Variants in DRC3 observed in about 807,000 individuals in gnomAD.
DRC3 encodes the protein leucine rich repeat containing 48.
A neutral mutation model predicts 57.6 loss-of-function variants in DRC3; 45 were observed. That is an observed-to-expected ratio of 0.78 (90% CI 0.62 to 1.00). The LOEUF (loss-of-function observed/expected upper bound fraction) is 1.00. Among genes scored for constraint, DRC3 ranks in the 50% least tolerant of loss-of-function variants. The pLI, the probability that DRC3 is intolerant of heterozygous loss-of-function variation, is 0.00. For missense variants in DRC3, 655 were observed against 675.2 expected (o/e 0.97, Z 0.33); for synonymous variants, 257 against 272.3 (o/e 0.94, Z 0.55).
Position 17,995,069 on chromosome 17 carries a change from A to T in DRC3, c.782A>T (p.Asn261Ile). ...ATGTACGCTGAGGACTCAGAGGGCA[A>T]CAATCTGTCCTACCTGCCTGGTGTC... ...DSMYAEDSEG[N>I]NLSYLPGVGE... The change falls in exon 8 of 14, where the codon AAC becomes ATC. Residue 261 changes from asparagine (N) to isoleucine (I), a missense_variant. Asn to Ile is a moderately radical substitution (Grantham distance 149). Transcript: ENST00000399187. 2 of 1,613,932 alleles carry T rather than the reference A, an allele frequency of 1.2e-6. No homozygotes were observed. The highest frequency in any genetic ancestry group is 1.7e-6 in the Non-Finnish European group (2 of 1,179,844).
chr17:17,973,308 G>A (rs1239486055), intron 1 of DRC3, among the ~76,000 whole-genome samples: 1 of 152,150 alleles, frequency 6.6e-6, no homozygotes, highest in Non-Finnish European at 1.5e-5. Flanking sequence ...ACTTTTCCCA[G>A]AATTTAGCCA....
chr17:17,994,643 C>T (rs1215871151), intron 7 of DRC3, among the ~76,000 whole-genome samples: 2 of 152,218 alleles, frequency 1.3e-5, no homozygotes, highest in African/African-American at 4.8e-5. Flanking sequence ...GGCATTCCTG[C>T]CTCCAGCTGC....
intron 4 of DRC3, among the ~76,000 whole-genome samples, chr17:17,987,614 G>A (rs2043022291): frequency 6.6e-6 from 1 of 152,184 alleles, no homozygotes; most frequent in East Asian, 1.9e-4. Context: ...CGACCCCCAA[G>A]GGCACTGCTT....
chr17:18,003,637 CT>C (rs758041562), intron 9 of DRC3, among the ~76,000 whole-genome samples: 410 of 103,908 alleles, frequency 3.9e-3, no homozygotes, highest in Middle Eastern at 6.8e-3. Flanking sequence ...TTTTAAGTAT[CT>C]TTTTTTTTTT....
chr17:17,995,112 A>C lies in DRC3; in HGVS notation c.824+1A>C. 6.2e-7 allele frequency: 1 copy of C among 1,609,684 alleles called. No individual in the cohort carries two copies. Among genetic ancestry groups the C allele is most frequent in the East Asian group, 2.2e-5 (1 of 44,832 alleles). ...CTGGTGTCGGTGAGCTCCTTGAGAC[A>C]TATCCTTCTGAGTTCATGGCTGTCT... On this transcript the variant is annotated splice_donor_variant, in intron 8 of 13. Coordinates refer to ENST00000399187, the MANE Select transcript of DRC3 (RefSeq NM_031294.4). LOFTEE classifies it high-confidence loss of function.
intron 12 of DRC3, among the ~76,000 whole-genome samples, chr17:18,012,239 G>A (rs528241774): frequency 1.1e-4 from 16 of 152,200 alleles, no homozygotes; most frequent in Admixed American, 5.9e-4. Flanking sequence ...TGACAAAAGC[G>A]CCAAGAACAC....
chr17:17,982,820 C>T lies in DRC3; in HGVS notation c.161-1008C>T, dbSNP rs530641971. On this transcript the variant is annotated intron_variant, in intron 3 of 13. Transcript: ENST00000399187. ...CGATCTCTTGAACTTGTGATCCGCC[C>T]GCCTCGGCCTCCCAAAGTGCTGTGA... Among the ~76,000 whole-genome samples the T allele has an allele frequency of 3.7e-3, 543 of 146,072 alleles. 2 individuals carry two copies. The highest frequency in any genetic ancestry group is 0.012 in the Middle Eastern group (3 of 244).
intron 12 of DRC3, chr17:18,007,507 A>T: frequency 6.5e-7 from 1 of 1,549,322 alleles, no homozygotes; most frequent in Non-Finnish European, 8.7e-7. Context: ...TCTTAACCTT[A>T]GAGTCTGTAT....
At chr17:18,000,384 A>G (rs141443388) in intron 9 of DRC3, among the ~76,000 whole-genome samples, 2,382 of 150,180 alleles carry the variant, frequency 0.016, 32 homozygotes, top group Non-Finnish European at 0.023. Context: ...GTGTGTGTGC[A>G]TAGCATGCCT....
chr17:17,982,916 C>A (rs571940444), intron 3 of DRC3, among the ~76,000 whole-genome samples: 18 of 152,304 alleles, frequency 1.2e-4, no homozygotes, highest in African/African-American at 4.1e-4. Flanking sequence ...GAAATCATTA[C>A]AAAAGCAAAT....
rs986998897 is a variant in DRC3 at position 18,009,594 on chromosome 17, G to A, written c.1326+2447G>A. On this transcript the variant is annotated intron_variant, in intron 12 of 13. Transcript: ENST00000399187. ...TGAGGCACAGAGATGAAGGTAACCTGCCCAAGGACACACAGCTTATAACAG... is the reference window on the plus strand; with the variant it reads ...TGAGGCACAGAGATGAAGGTAACCTACCCAAGGACACACAGCTTATAACAG... Among the ~76,000 whole-genome samples, 47 of 152,122 alleles carry A rather than the reference G, an allele frequency of 3.1e-4. 1 individual carries two copies. Among genetic ancestry groups the A allele is most frequent in the Non-Finnish European group, 7.4e-5 (5 of 68,024 alleles).
chr17:17,994,337 C>A lies in DRC3; in HGVS notation c.630C>A (p.Asp210Glu). Reference sequence around the variant, plus strand: ...AGGCTAAGCACCAGTACAGCATCGACGAGCTGAAGCACCAGGAGAACCTGA... The same window carrying A: ...AGGCTAAGCACCAGTACAGCATCGAAGAGCTGAAGCACCAGGAGAACCTGA... The part of the protein sequence containing the change: ...LAEAKHQYSI[D>E]ELKHQENLMQ... Residue 210 changes from aspartate (D) to glutamate (E), a missense_variant, in exon 7 of 14, where the codon GAC becomes GAA. Physicochemically the swap from Asp to Glu is conservative, Grantham distance 45 (BLOSUM62 2). Coordinates refer to ENST00000399187, the MANE Select transcript of DRC3 (RefSeq NM_031294.4). The A allele has an allele frequency of 6.4e-7, 1 of 1,554,426 alleles. No individual in the cohort carries two copies. Among genetic ancestry groups the A allele is most frequent in the Non-Finnish European group, 8.7e-7 (1 of 1,148,764 alleles).
At chr17:18,010,340 G>C (rs1035004041) in intron 12 of DRC3, among the ~76,000 whole-genome samples, 1 of 152,186 alleles carries the variant, frequency 6.6e-6, no homozygotes, top group Non-Finnish European at 1.5e-5. Flanking sequence ...CTAGCAGTGC[G>C]GTGGTCCTGG....
Position 18,016,215 on chromosome 17 carries a change from T to C in DRC3, c.1458+20T>C. The C allele has an allele frequency of 6.2e-7, 1 of 1,608,834 alleles. No individual in the cohort carries two copies. Among genetic ancestry groups the C allele is most frequent in the Non-Finnish European group, 8.5e-7 (1 of 1,175,508 alleles). The stretch of plus-strand genomic sequence containing the variant: ...GACAGGGTGAGTCAATCCCAAGCCA[T>C]CCTAGCAGGCTGGATGAACTTTTCT... On this transcript the variant is annotated intron_variant, in intron 13 of 13. Coordinates refer to ENST00000399187, the MANE Select transcript of DRC3 (RefSeq NM_031294.4).
intron 13 of DRC3, 134 bp from the exon 14 acceptor site, chr17:18,016,424 C>T: frequency 2.5e-6 from 2 of 790,368 alleles, no homozygotes; most frequent in South Asian, 3.6e-5. Context: ...ATCAGCAGAA[C>T]CTGGGGAGGC....
intron 12 of DRC3, among the ~76,000 whole-genome samples, chr17:18,013,496 G>C (rs1006550839): frequency 9.2e-5 from 14 of 152,318 alleles, no homozygotes. Flanking sequence ...TGGCAACATG[G>C]ATGGAACTGG....
intron 5 of DRC3, among the ~76,000 whole-genome samples, chr17:17,989,087 A>G (rs150676562): frequency 7.2e-5 from 11 of 152,220 alleles, no homozygotes; most frequent in Non-Finnish European, 1.6e-4. Flanking sequence ...GTCATAGCTG[A>G]GGGCCTTCCT....
chr17:18,015,839 G>A, intron 12 of DRC3: 1 of 501,276 alleles, frequency 2.0e-6, no homozygotes, highest in Non-Finnish European at 3.6e-6. Context: ...GTAACACCCT[G>A]GTTGGCCCTT....
Position 18,001,549 on chromosome 17 carries a change from T to C in DRC3, c.1000-2814T>C, listed in dbSNP as rs188664469. Among the ~76,000 whole-genome samples, 397 of 152,146 alleles carry C rather than the reference T, an allele frequency of 2.6e-3. 4 individuals are homozygous for C. The highest frequency in any genetic ancestry group is 9.2e-3 in the African/African-American group (380 of 41,502). ...TTACTTTGTAGGAGCTCTTTGTAGA[T>C]TGTGTCAGTGAAATGAATGGCAAAT... On this transcript the variant is annotated intron_variant, in intron 9 of 13. Coordinates refer to ENST00000399187, the MANE Select transcript of DRC3 (RefSeq NM_031294.4).
Sources: gnomAD v4.1 joint callset for allele counts (sites outside exome capture counted in the v4.1 genomes callset) on GRCh38, gnomAD v4.1.1 for gene constraint, MANE v1.5 for transcripts, NCBI Gene and HGNC (gene_info 2026-07-23, HGNC 2026-07-21) for gene names.